The following FUT6 variants were observed in gnomAD, a reference collection of about 807,000 sequenced individuals.
FUT6 encodes fucosyltransferase 6.
For synonymous variants in FUT6, 187 were observed against 209.9 expected, an observed-to-expected ratio of 0.89 and a Z score of 0.94; for missense variants, 454 against 494.6, an observed-to-expected ratio of 0.92 and a Z score of 0.78.
chr19:5,839,524 C>T lies in FUT6; in HGVS notation c.-988G>A, dbSNP rs1044875804. The T allele has an allele frequency of 6.6e-6, 1 of 152,230 alleles. No individual in the cohort carries two copies. The highest frequency in any genetic ancestry group is 6.6e-5 in the Admixed American group (1 of 15,266). The allele number at this position is 152,230 out of a possible 1,614,324, so 9.4% of individuals were successfully genotyped here. On this transcript the variant is annotated 5_prime_UTR_variant, in exon 1 of 3. The change abolishes an upstream ATG in the 5' untranslated region. Coordinates refer to ENST00000318336, the MANE Select transcript of FUT6 (RefSeq NM_000150.4). ...AAGCAGAGGGGTTACCATGTCGATA[C>T]ATGTTTTCAGATGCTCTCTTCTGGT...
At position 5,831,902 on chromosome 19, in the gene FUT6, T is replaced by A; in HGVS notation, c.666A>T (p.Gly222=). Residue 222 remains glycine, a synonymous_variant, in exon 3 of 3, where the codon GGA becomes GGT. Coordinates refer to ENST00000318336, the MANE Select transcript of FUT6 (RefSeq NM_000150.4). The surrounding 1 kb of genome is among the most constrained non-coding windows in gnomAD (Gnocchi z 7.0). ...CCTGGGGCAGGGGCTTGTGGGAGCG[T>A]CCGTACACGTCCACCTTGAGATGGG... The part of the protein sequence containing the change: ...LQAHLKVDVY[G]RSHKPLPQGT... The A allele has an allele frequency of 6.2e-7, 1 of 1,613,824 alleles. No individual in the cohort carries two copies. Among genetic ancestry groups the A allele is most frequent in the Non-Finnish European group, 8.5e-7 (1 of 1,179,850 alleles).
Position 5,832,570 on chromosome 19 carries a change from G to A in FUT6, c.-3C>T, listed in dbSNP as rs1568406361. On this transcript the variant is annotated 5_prime_UTR_variant, in exon 3 of 3. Transcript: ENST00000318336. The surrounding 1 kb of genome is among the most constrained non-coding windows in gnomAD (Gnocchi z 4.3). ...TTGGCCGGGCCCAGGGGATCCATGG[G>A]TCAGAGTATCTGGGAAGTGGGGAGA... 6.2e-7 allele frequency: 1 copy of A among 1,612,092 alleles called. No individual in the cohort carries two copies. The highest frequency in any genetic ancestry group is 1.3e-5 in the African/African-American group (1 of 75,036).
Position 5,830,575 on chromosome 19 carries a change from G to A in FUT6, c.*913C>T, listed in dbSNP as rs1261314354. On this transcript the variant is annotated 3_prime_UTR_variant, in exon 3 of 3. Coordinates refer to ENST00000318336, the MANE Select transcript of FUT6 (RefSeq NM_000150.4). ...AGCCACCTGGGTAGCTGGGATTACA[G>A]GCACCGGCCACCGCACCCAGCTAAT... 1 of 148,342 alleles carries A rather than the reference G, an allele frequency of 6.7e-6. No individual in the cohort carries two copies. Among genetic ancestry groups the A allele is most frequent in the Non-Finnish European group, 1.5e-5 (1 of 67,806 alleles). The allele number at this position is 148,342 out of a possible 1,614,324, so 9.2% of individuals were successfully genotyped here. A position where few individuals can be genotyped will look rare whatever the true frequency, so the allele number is the denominator to read the frequency against.
At position 5,832,576 on chromosome 19, in the gene FUT6, G is replaced by A. The variant is rs1234097087; in HGVS notation, c.-9C>T. 2 of 1,610,470 alleles carry A rather than the reference G, an allele frequency of 1.2e-6. No individual in the cohort carries two copies. Among genetic ancestry groups the A allele is most frequent in the South Asian group, 1.1e-5 (1 of 91,044 alleles). ...GGGCCCAGGGGATCCATGGGTCAGA[G>A]TATCTGGGAAGTGGGGAGAGAGGAG... On this transcript the variant is annotated 5_prime_UTR_variant, in exon 3 of 3. Transcript: ENST00000318336. The surrounding 1 kb of genome is among the most constrained non-coding windows in gnomAD (Gnocchi z 4.3).
At position 5,831,532 on chromosome 19, in the gene FUT6, C is replaced by A. The variant is rs1032782506; in HGVS notation, c.1036G>T (p.Glu346Ter). The A allele has an allele frequency of 8.7e-6, 14 of 1,614,058 alleles. No homozygotes were observed. The highest frequency in any genetic ancestry group is 1.2e-5 in the Non-Finnish European group (14 of 1,180,056). The change falls in exon 3 of 3, where the codon GAA (glutamate) becomes TAA (stop). Residue 346 changes from glutamate to a stop codon, truncating the protein, a stop_gained. Transcript: ENST00000318336. LOFTEE classifies it high-confidence loss of function. The surrounding 1 kb of genome is among the most constrained non-coding windows in gnomAD (Gnocchi z 7.0). ...FCKACWKLQE[E>*]SRYQTRGIAA... Reference sequence around the variant, plus strand: ...ATGCCGCGTGTCTGGTACCTGGATTCCTCCTGCAGTTTCCAGCAGGCCTTG... The same window carrying A: ...ATGCCGCGTGTCTGGTACCTGGATTACTCCTGCAGTTTCCAGCAGGCCTTG...
intron 1 of FUT6, among the ~76,000 whole-genome samples, chr19:5,836,289 C>T (rs2057179121): frequency 6.6e-6 from 1 of 151,828 alleles, no homozygotes; most frequent in African/African-American, 2.4e-5. Context: ...GATCTCAGCT[C>T]ACTGCAACCT....
intron 1 of FUT6, chr19:5,838,125 G>A (rs2057206368): frequency 6.6e-6 from 1 of 152,276 alleles, no homozygotes; most frequent in Non-Finnish European, 1.5e-5. Flanking sequence ...ACCTTCAGGA[G>A]GGGAGATTGG....
rs147377203 is a variant in FUT6, at chr19:5,831,240, A to T, written c.*248T>A. 3 of 855,268 alleles carry T rather than the reference A, an allele frequency of 3.5e-6. No homozygotes were observed. Among genetic ancestry groups the T allele is most frequent in the Non-Finnish European group, 6.0e-6 (3 of 502,590 alleles). The allele number at this position is 855,268 out of a possible 1,614,324, so 53.0% of individuals were successfully genotyped here. ...GCAGGGGACGCTCCTGGAAGCCAGC[A>T]TGTGAAATCCCAGGTAAGGGACATA... On this transcript the variant is annotated 3_prime_UTR_variant, in exon 3 of 3. Coordinates refer to ENST00000318336, the MANE Select transcript of FUT6 (RefSeq NM_000150.4). The surrounding 1 kb of genome is among the most constrained non-coding windows in gnomAD (Gnocchi z 7.0).
At position 5,832,071 on chromosome 19, in the gene FUT6, G is replaced by A. The variant is rs766060927; in HGVS notation, c.497C>T (p.Thr166Met). The change falls in exon 3 of 3, where the codon ACG (threonine) becomes ATG (methionine). Residue 166 changes from threonine to methionine, a missense_variant. Transcript: ENST00000318336. The surrounding 1 kb of genome is among the most constrained non-coding windows in gnomAD (Gnocchi z 4.3). ...MSYRSDSDIF[T>M]PYGWLEPWSG... is the part of the protein sequence containing the mutation. ...CCACGGCTCCAGCCAGCCGTAGGGC[G>A]TGAAGATGTCGGAGTCGCTGCGGTA... is the stretch of plus-strand genomic sequence containing the variant. 3.5e-5 allele frequency: 56 copies of A among 1,613,734 alleles called. No homozygotes were observed. The highest frequency in any genetic ancestry group is 1.6e-4 in the Middle Eastern group (1 of 6,084).
At chr19:5,837,822 G>A (rs895319900) in intron 1 of FUT6, 8 of 152,130 alleles carry the variant, frequency 5.3e-5, no homozygotes, top group African/African-American at 1.9e-4. Context: ...TAAACCTTAT[G>A]GTGCATAGCG....
intron 2 of FUT6, among the ~76,000 whole-genome samples, chr19:5,833,907 G>C (rs781390991): frequency 6.6e-6 from 1 of 151,988 alleles, no homozygotes; most frequent in South Asian, 2.1e-4. Context: ...AGAGGAGGGC[G>C]GATAACTTGA....
rs1165373773 is a variant in FUT6 at position 5,836,583 on chromosome 19, C to A, written c.-140-1506G>T. Among the ~76,000 whole-genome samples, 6 of 152,282 alleles carry A rather than the reference C, an allele frequency of 3.9e-5. No homozygotes were observed. The East Asian group carries it at 1.2e-3, about 29-fold the overall frequency. ...ATGGCTTACACCTATAATCCCAATG[C>A]TTTGGGCGGCTGAGGTGGGAGGATC... On this transcript the variant is annotated intron_variant, in intron 1 of 2. Transcript: ENST00000318336.
Position 5,835,229 on chromosome 19 carries a change from G to T in FUT6, c.-140-152C>A, listed in dbSNP as rs555984013. 8.5e-5 allele frequency among the ~76,000 whole-genome samples: 13 copies of T among 152,202 alleles called. No homozygotes were observed. In the South Asian group the frequency reaches 2.3e-3, roughly 27 times the overall value. ...CCATAGGGTGTCACAGAGTCCTCCA[G>T]ACCCCAGATCCTGACCTCGGGAACA... On this transcript the variant is annotated intron_variant, in intron 1 of 2. Transcript: ENST00000318336.
intron 1 of FUT6, chr19:5,838,047 T>C (rs895284260): frequency 2.6e-5 from 4 of 152,060 alleles, no homozygotes; most frequent in Non-Finnish European, 5.9e-5. Flanking sequence ...TTAATATTAA[T>C]ATATTATCAT....
rs375074192 is a variant in FUT6 at position 5,833,089 on chromosome 19, C to A, written c.-12-510G>T. On this transcript the variant is annotated intron_variant, in intron 2 of 2. Transcript: ENST00000318336. Reference sequence around the variant, plus strand: ...GCAGAGGAAACCACCATTGCCAAGGCCTAGTGGGGAGAGACCCCTGAGCAG... The same window carrying A: ...GCAGAGGAAACCACCATTGCCAAGGACTAGTGGGGAGAGACCCCTGAGCAG... 5.9e-5 allele frequency among the ~76,000 whole-genome samples: 9 copies of A among 152,244 alleles called. No homozygotes were observed. In the South Asian group the frequency reaches 1.9e-3, roughly 32 times the overall value.
Position 5,831,157 on chromosome 19 carries a change from A to G in FUT6, c.*331T>C. 1 of 629,990 alleles carries G rather than the reference A, an allele frequency of 1.6e-6. No individual in the cohort carries two copies. Among genetic ancestry groups the G allele is most frequent in the Non-Finnish European group, 2.8e-6 (1 of 357,080 alleles). 39.0% of individuals were successfully genotyped at this position (629,990 alleles called of 1,614,324 possible). ...GGTCCCAGCAGGTAAAGTCCCCAACAGCCGAGGTCCCCAGTAGGCAAAGTC... is the reference window on the plus strand; with the variant it reads ...GGTCCCAGCAGGTAAAGTCCCCAACGGCCGAGGTCCCCAGTAGGCAAAGTC... On this transcript the variant is annotated 3_prime_UTR_variant, in exon 3 of 3. Coordinates refer to ENST00000318336, the MANE Select transcript of FUT6 (RefSeq NM_000150.4). This position sits in a 1 kb window ranked among gnomAD's most constrained non-coding sequence, Gnocchi z 7.0.
At position 5,831,788 on chromosome 19, in the gene FUT6, C is replaced by T. The variant is rs1295186442; in HGVS notation, c.780G>A (p.Trp260Ter). The change falls in exon 3 of 3, where the codon TGG becomes TGA. Residue 260 changes from tryptophan to a stop codon, truncating the protein, a stop_gained. Transcript: ENST00000318336. LOFTEE classifies it low-confidence loss of function (END_TRUNC). This position sits in a 1 kb window ranked among gnomAD's most constrained non-coding sequence, Gnocchi z 7.0. ...CGGCCCAGGCCTCCAGGGCGTTCCT[C>T]CACAGCTTCTCGGTGATGTAGTCGG... ...LHPDYITEKL[W>*]RNALEAWAVP... is the part of the protein sequence containing the mutation. 1 of 1,613,662 alleles carries T rather than the reference C, an allele frequency of 6.2e-7. No individual in the cohort carries two copies. Among genetic ancestry groups the T allele is most frequent in the Non-Finnish European group, 8.5e-7 (1 of 1,179,842 alleles).
rs375768069 is a variant in FUT6 at position 5,830,825 on chromosome 19, C to A, written c.*663G>T. ...TTCACCATATTGGCCAGGATGGTCT[C>A]GATCTCCTGACCTTGTGATCCGCCT... is the stretch of plus-strand genomic sequence containing the variant. On this transcript the variant is annotated 3_prime_UTR_variant, in exon 3 of 3. Coordinates refer to ENST00000318336, the MANE Select transcript of FUT6 (RefSeq NM_000150.4). The A allele has an allele frequency of 1.5e-5, 3 of 197,414 alleles. No individual in the cohort carries two copies. Among genetic ancestry groups the A allele is most frequent in the East Asian group, 1.2e-4 (1 of 8,502 alleles). 12.2% of individuals were successfully genotyped at this position (197,414 alleles called of 1,614,324 possible).
At position 5,832,703 on chromosome 19, in the gene FUT6, C is replaced by T; in HGVS notation, c.-12-124G>A. ...GTTACACAGATGAGAAAACTGAGAC[C>T]AAGTGACTCACAGCAAAAGTCAGCA... is the stretch of plus-strand genomic sequence containing the variant. On this transcript the variant is annotated intron_variant, in intron 2 of 2. Coordinates refer to ENST00000318336, the MANE Select transcript of FUT6 (RefSeq NM_000150.4). This position sits in a 1 kb window ranked among gnomAD's most constrained non-coding sequence, Gnocchi z 4.3. The T allele has an allele frequency of 1.3e-6, 1 of 765,288 alleles. No individual in the cohort carries two copies. The highest frequency in any genetic ancestry group is 2.2e-6 in the Non-Finnish European group (1 of 458,246). 47.4% of individuals were successfully genotyped at this position (765,288 alleles called of 1,614,324 possible).
Sources: gnomAD v4.1 joint callset for allele counts (sites outside exome capture counted in the v4.1 genomes callset) on GRCh38, gnomAD v4.1.1 for gene constraint, Gnocchi (gnomAD v3.1) non-coding constraint, MANE v1.5 for transcripts, NCBI Gene and HGNC (gene_info 2026-07-23, HGNC 2026-07-21) for gene names.